The following CDC45 variants were observed in gnomAD, a reference collection of about 807,000 sequenced individuals.
The protein encoded by CDC45 is cell division cycle 45, also known as cell division control protein 45 homolog.
A neutral mutation model predicts 77.8 loss-of-function variants in CDC45; 54 were observed. That is an observed-to-expected ratio of 0.69 (90% CI 0.56 to 0.87). The LOEUF is 0.87. Among genes scored for constraint, CDC45 ranks in the 40% least tolerant of loss-of-function variants. The pLI is 0.00. For missense variants in CDC45, 649 were observed against 721.6 expected (o/e 0.90, Z 1.15); for synonymous variants, 260 against 272.1 (o/e 0.96, Z 0.44).
intron 9 of CDC45, among the ~76,000 whole-genome samples, chr22:19,500,431 G>A (rs1049203736): frequency 1.3e-4 from 20 of 152,108 alleles, no homozygotes; most frequent in African/African-American, 4.1e-4. Context: ...CTGCTTCCTC[G>A]TAGCTGCTTG....
intron 13 of CDC45, among the ~76,000 whole-genome samples, chr22:19,509,165 C>T (rs13447266): frequency 0.012 from 1,752 of 152,110 alleles, 14 homozygotes; most frequent in Non-Finnish European, 0.018. Context: ...AGACTAAAGA[C>T]ATCAGAGAAA....
rs930308152 is a variant in CDC45 at position 19,509,169 on chromosome 22, A to G, written c.1217+478A>G. ...TGTCTAGTGTCAGACTAAAGACATC[A>G]GAGAAAAATATCTCCAAATACACTG... On this transcript the variant is annotated intron_variant, in intron 13 of 18. Transcript: ENST00000263201. 2.0e-5 allele frequency among the ~76,000 whole-genome samples: 3 copies of G among 152,198 alleles called. No individual in the cohort carries two copies. The South Asian group carries it at 6.2e-4, about 32-fold the overall frequency.
chr22:19,499,776 G>T (rs1214741765), intron 9 of CDC45, among the ~76,000 whole-genome samples: 1 of 152,194 alleles, frequency 6.6e-6, no homozygotes, highest in East Asian at 1.9e-4. Flanking sequence ...TTCTCTAGTG[G>T]CCATCAGGCA....
In CDC45 at chr22:19,480,209, A is replaced by ATT; in HGVS notation, c.104_105insTT (p.Leu36SerfsTer41). On this transcript the variant is annotated frameshift_variant, in exon 2 of 19. Coordinates refer to ENST00000263201, the MANE Select transcript of CDC45 (RefSeq NM_003504.5). LOFTEE classifies it high-confidence loss of function. ...CGTGGATGCTCTGTGTGCGTGCAAG[A>ATT]TCCTTCAGGTGAGTTCTGCGGACCC... 6.2e-7 allele frequency: 1 copy of ATT among 1,613,716 alleles called. No homozygotes were observed. The highest frequency in any genetic ancestry group is 8.5e-7 in the Non-Finnish European group (1 of 1,179,868).
At chr22:19,515,185 T>A in intron 15 of CDC45, 137 bp downstream of exon 15, 1 of 719,258 alleles carries the variant, frequency 1.4e-6, no homozygotes, top group Non-Finnish European at 2.2e-6. Context: ...CATTACTTTT[T>A]CTGAGCTGTC....
chr22:19,482,422 G>A (rs992452177), intron 3 of CDC45, among the ~76,000 whole-genome samples: 3 of 152,254 alleles, frequency 2.0e-5, no homozygotes, highest in African/African-American at 7.2e-5. Flanking sequence ...CTCCTCATTA[G>A]TTTCTTGAGC....
At chr22:19,505,312 G>C (rs975725696) in intron 9 of CDC45, 50 bp from the exon 10 acceptor site, 5 of 1,612,864 alleles carry the variant, frequency 3.1e-6, no homozygotes, top group Non-Finnish European at 4.2e-6. Flanking sequence ...TAGGCTGCCT[G>C]GTAAGAGCTG....
At chr22:19,518,727 G>A (rs1039973231) in intron 17 of CDC45, 117 bp from the exon 18 acceptor site, 6 of 788,970 alleles carry the variant, frequency 7.6e-6, no homozygotes, top group African/African-American at 3.4e-5. Flanking sequence ...ACCACAGGCC[G>A]GGAGGAGCCG....
In CDC45 at chr22:19,480,039, C is replaced by G. The variant is rs1490718166; in HGVS notation, c.51+20C>G. ...AGCCAGGTGACGCCCAGTCCGGGAC[C>G]CCCGCCGAGGCCTTGCCGGTGGGGA... On this transcript the variant is annotated intron_variant, in intron 1 of 18. Coordinates refer to ENST00000263201, the MANE Select transcript of CDC45 (RefSeq NM_003504.5). 6.2e-7 allele frequency: 1 copy of G among 1,613,926 alleles called. No homozygotes were observed. Among genetic ancestry groups the G allele is most frequent in the Non-Finnish European group, 8.5e-7 (1 of 1,179,896 alleles).
intron 9 of CDC45, among the ~76,000 whole-genome samples, chr22:19,500,827 C>T (rs2146389500): frequency 6.6e-6 from 1 of 152,294 alleles, no homozygotes; most frequent in East Asian, 1.9e-4. Flanking sequence ...ACTCTGCTGT[C>T]TCAGTGTAAC....
intron 5 of CDC45, among the ~76,000 whole-genome samples, chr22:19,491,257 A>G (rs1001919446): frequency 6.6e-6 from 1 of 152,216 alleles, no homozygotes; most frequent in Non-Finnish European, 1.5e-5. Context: ...GAGGATAAGT[A>G]AGGAAAGCCT....
Position 19,516,290 on chromosome 22 carries a change from A to G in CDC45, c.1441-237A>G, listed in dbSNP as rs903947347. The G allele has an allele frequency of 1.5e-5, 8 of 532,426 alleles. No homozygotes were observed. The Admixed American group carries it at 2.2e-4, about 15-fold the overall frequency. The allele number at this position is 532,426 out of a possible 1,614,324, so 33.0% of individuals were successfully genotyped here. A position where few individuals can be genotyped will look rare whatever the true frequency, so the allele number is the denominator to read the frequency against. On this transcript the variant is annotated intron_variant, in intron 15 of 18. Transcript: ENST00000263201. The stretch of plus-strand genomic sequence containing the variant: ...CTCGGGGACACAGCATCACAGCCAC[A>G]GTACCATGCTGTGGGTACGGGAGGG...
chr22:19,495,979 A>G lies in CDC45; in HGVS notation c.543-2A>G. The G allele has an allele frequency of 6.2e-7, 1 of 1,609,878 alleles. No homozygotes were observed. Among genetic ancestry groups the G allele is most frequent in the Non-Finnish European group, 8.5e-7 (1 of 1,176,206 alleles). On this transcript the variant is annotated splice_acceptor_variant, in intron 6 of 18. Coordinates refer to ENST00000263201, the MANE Select transcript of CDC45 (RefSeq NM_003504.5). LOFTEE classifies it high-confidence loss of function. The stretch of plus-strand genomic sequence containing the variant: ...GAAGACCTGCATTTTATGTCATTAC[A>G]GAAGAGACATCCTCTTTGACTACGA...
rs145623330 is a variant in CDC45, at chr22:19,482,693, C to T, written c.208C>T (p.His70Tyr). 1.1e-5 allele frequency: 18 copies of T among 1,608,018 alleles called. No individual in the cohort carries two copies. The highest frequency in any genetic ancestry group is 1.0e-4 in the Admixed American group (6 of 58,430). ...ACAATATCTTCCTTTTTTTCAGTTT[C>T]ATTATTTTATTCTCATAAACTGTGG... ...TAFLEHKEQFHYFILINCGAN... is the reference protein window; with the variant it reads ...TAFLEHKEQFYYFILINCGAN... Residue 70 changes from histidine to tyrosine, a missense_variant, in exon 4 of 19, where the codon CAT (histidine) becomes TAT (tyrosine). By Grantham distance (83) the His-to-Tyr change is moderately conservative. Coordinates refer to ENST00000263201, the MANE Select transcript of CDC45 (RefSeq NM_003504.5).
intron 13 of CDC45, among the ~76,000 whole-genome samples, chr22:19,509,728 A>G (rs1410616438): frequency 6.6e-6 from 1 of 152,018 alleles, no homozygotes; most frequent in Non-Finnish European, 1.5e-5. Context: ...CATTTCCCTG[A>G]CTTTTTAGGA....
At chr22:19,505,263 C>G (rs535784295) in intron 9 of CDC45, 99 bp from the exon 10 acceptor site, 2 of 1,405,218 alleles carry the variant, frequency 1.4e-6, no homozygotes, top group African/African-American at 1.4e-5. Context: ...GGTGAGCAGG[C>G]CCCTGAGGAA....
rs144764074 is a variant in CDC45, at chr22:19,516,611, A to G, written c.1525A>G (p.Ile509Val). Residue 509 changes from isoleucine (I) to valine (V), a missense_variant, in exon 16 of 19, where the codon ATC (isoleucine) becomes GTC (valine). Ile to Val is a conservative substitution (Grantham distance 29, BLOSUM62 3). Coordinates refer to ENST00000263201, the MANE Select transcript of CDC45 (RefSeq NM_003504.5). ...MEHGTVTVVG[I>V]PPETDSSDRK... ...GCATGGCACAGTGACCGTGGTGGGCATCCCCCCAGAGACCGACAGCTCGGA... is the reference window on the plus strand; with the variant it reads ...GCATGGCACAGTGACCGTGGTGGGCGTCCCCCCAGAGACCGACAGCTCGGA... 373 of 1,613,890 alleles carry G rather than the reference A, an allele frequency of 2.3e-4. No homozygotes were observed. The highest frequency in any genetic ancestry group is 1.6e-3 in the Middle Eastern group (10 of 6,062).
chr22:19,488,746 A>G (rs1191338588), intron 5 of CDC45, among the ~76,000 whole-genome samples: 12 of 152,232 alleles, frequency 7.9e-5, no homozygotes, highest in Admixed American at 7.9e-4. Flanking sequence ...ACCATGATAG[A>G]GAACAATTCC....
chr22:19,516,313 G>A, intron 15 of CDC45: 1 of 587,858 alleles, frequency 1.7e-6, no homozygotes, highest in South Asian at 2.0e-5. Context: ...GGGTACGGGA[G>A]GGCAGGTGTT....
Sources: allele counts gnomAD v4.1 joint callset (sites outside exome capture counted in the v4.1 genomes callset), GRCh38; gene constraint gnomAD v4.1.1; transcripts MANE v1.5; gene names NCBI Gene and HGNC (gene_info 2026-07-23, HGNC 2026-07-21).